Variants in HOATZ observed in about 807,000 individuals in gnomAD.
The protein encoded by HOATZ is HOATZ cilia and flagella associated protein, also known as cilia- and flagella-associated protein HOATZ.
A neutral mutation model predicts 24.9 loss-of-function variants in HOATZ; 26 were observed. The ratio of observed to expected loss-of-function variants is 1.04; its 90% CI spans 0.76 to 1.45. The LOEUF is 1.45. Ranked by LOEUF, HOATZ falls within the 40% of genes most tolerant of loss-of-function variation. HOATZ has a pLI of 0.00. For synonymous variants in HOATZ, 83 were observed against 76.6 expected, an observed-to-expected ratio of 1.08 and a Z score of -0.43; for missense variants, 226 against 201.5, an observed-to-expected ratio of 1.12 and a Z score of -0.74.
Position 111,533,764 on chromosome 11 carries a change from A to T in HOATZ, c.358A>T (p.Ile120Phe). The change falls in exon 4 of 6, where the codon ATT becomes TTT. Residue 120 changes from isoleucine (I) to phenylalanine (F), a missense_variant. Ile to Phe is a conservative substitution (Grantham distance 21). Coordinates refer to ENST00000375618, the MANE Select transcript of HOATZ (RefSeq NM_001100388.2). ...YLQKAKTREE[I>F]LQLLRKQREE... is the part of the protein sequence containing the mutation. ...TAAACAGGCTAAAACAAGAGAAGAG[A>T]TTCTCCAACTCTTAAGAAAACAAAG... 1 of 1,580,868 alleles carries T rather than the reference A, an allele frequency of 6.3e-7. No homozygotes were observed. The highest frequency in any genetic ancestry group is 8.5e-7 in the Non-Finnish European group (1 of 1,170,512).
At chr11:111,520,776 A>T (rs1253388357) in intron 3 of HOATZ, among the ~76,000 whole-genome samples, 1 of 152,228 alleles carries the variant, frequency 6.6e-6, no homozygotes, top group East Asian at 1.9e-4. Context: ...GATATGAATC[A>T]TCCCTCAGTC....
chr11:111,524,611 C>T (rs1341947199), intron 3 of HOATZ, among the ~76,000 whole-genome samples: 1 of 152,148 alleles, frequency 6.6e-6, no homozygotes, highest in Non-Finnish European at 1.5e-5. Context: ...AAAGCAAAGT[C>T]CTAGAAGTAT....
intron 3 of HOATZ, among the ~76,000 whole-genome samples, chr11:111,528,594 A>G (rs1347621867): frequency 6.6e-6 from 1 of 152,236 alleles, no homozygotes. Context: ...CATCTTGCAA[A>G]GAGCCACATG....
chr11:111,535,236 C>G (rs537380500), intron 5 of HOATZ: 7 of 151,884 alleles, frequency 4.6e-5, no homozygotes, highest in African/African-American at 1.5e-4. Flanking sequence ...TTGTAAACTT[C>G]TGGAAAAAAA....
chr11:111,525,031 G>A (rs1867320696), intron 3 of HOATZ: 1 of 325,584 alleles, frequency 3.1e-6, no homozygotes, highest in Non-Finnish European at 6.0e-6. Context: ...ATCACATCCA[G>A]CTACATTTTT....
chr11:111,521,756 GATT>G (rs2135775645), intron 3 of HOATZ, among the ~76,000 whole-genome samples: 1 of 152,332 alleles, frequency 6.6e-6, no homozygotes, highest in South Asian at 2.1e-4. Flanking sequence ...ATAATTAAAA[GATT>G]ATATTAATAT....
intron 4 of HOATZ, 124 bp from the exon 5 acceptor site, chr11:111,534,286 ATT>A: frequency 3.0e-6 from 2 of 676,956 alleles, no homozygotes; most frequent in Non-Finnish European, 5.1e-6. Flanking sequence ...CAGTTTCCAG[ATT>A]TAAGAAGCTA....
intron 3 of HOATZ, among the ~76,000 whole-genome samples, chr11:111,518,552 C>T (rs1354756290): frequency 6.6e-6 from 1 of 152,152 alleles, no homozygotes; most frequent in African/African-American, 2.4e-5. Flanking sequence ...AATGATTTTC[C>T]AAAGTCCCCA....
At chr11:111,521,202 C>A (rs1413203869) in intron 3 of HOATZ, among the ~76,000 whole-genome samples, 2 of 152,046 alleles carry the variant, frequency 1.3e-5, no homozygotes, top group African/African-American at 4.8e-5. Flanking sequence ...TTAGCTAATA[C>A]CTACTTGTAT....
At chr11:111,517,958 T>A (rs1163158612) in intron 3 of HOATZ, among the ~76,000 whole-genome samples, 1 of 152,140 alleles carries the variant, frequency 6.6e-6, no homozygotes, top group Admixed American at 6.6e-5. Context: ...TCCTTTCCAA[T>A]CCAGTCCTAA....
chr11:111,515,481 A>T, intron 1 of HOATZ, 30 bp from the exon 2 acceptor site: 1 of 1,597,680 alleles, frequency 6.3e-7, no homozygotes, highest in Non-Finnish European at 8.6e-7. Context: ...TTTTCCAATG[A>T]TTTCTTTACT....
At chr11:111,527,995 G>A (rs1867357260) in intron 3 of HOATZ, among the ~76,000 whole-genome samples, 1 of 152,172 alleles carries the variant, frequency 6.6e-6, no homozygotes. Context: ...TACACCTATA[G>A]ACAGTTAACT....
At chr11:111,525,077 C>T (rs1867321338) in intron 3 of HOATZ, 1 of 293,530 alleles carries the variant, frequency 3.4e-6, no homozygotes, top group Non-Finnish European at 6.7e-6. Context: ...TGCCATGTTG[C>T]CCAGGCTGGT....
chr11:111,517,803 A>G (rs576107751), intron 3 of HOATZ, among the ~76,000 whole-genome samples: 1 of 152,376 alleles, frequency 6.6e-6, no homozygotes, highest in African/African-American at 2.4e-5. Flanking sequence ...TGTTAGACAA[A>G]GAATATGCAA....
intron 5 of HOATZ, chr11:111,536,298 C>T (rs182177963): frequency 1.3e-5 from 2 of 154,048 alleles, no homozygotes; most frequent in East Asian, 3.8e-4. Flanking sequence ...AATAACTCCC[C>T]TACATACACA....
At chr11:111,534,641 G>A (rs1162460150) in intron 5 of HOATZ, 177 bp downstream of exon 5, 8 of 606,678 alleles carry the variant, frequency 1.3e-5, no homozygotes, top group South Asian at 8.6e-5. Context: ...GCCTGTGTAC[G>A]AACTTGTCTG....
chr11:111,514,923 T>A lies in HOATZ; in HGVS notation c.139T>A (p.Tyr47Asn), dbSNP rs1867158892. The stretch of plus-strand genomic sequence containing the variant: ...GCAGTTCTGGATCTCGGCGTCGATG[T>A]ATCCCCCTAGCGAATCTCAGCTGGT... ...AKQFWISASM[Y>N]PPSESQLVLR... Residue 47 changes from tyrosine (Y) to asparagine (N), a missense_variant, in exon 1 of 6, where the codon TAT (tyrosine) becomes AAT (asparagine). Tyr to Asn is a moderately radical substitution (Grantham distance 143, BLOSUM62 -2). Transcript: ENST00000375618. 2 of 1,613,884 alleles carry A rather than the reference T, an allele frequency of 1.2e-6. No homozygotes were observed. The highest frequency in any genetic ancestry group is 1.7e-5 in the Admixed American group (1 of 60,000).
chr11:111,530,774 TAA>T lies in HOATZ; in HGVS notation c.340-2971_340-2970del, dbSNP rs1013919458. ...AAGTTATGCTTCCTTACTAATAATA[TAA>T]GTTATAAGGATCTTCTCTTACCAGT... On this transcript the variant is annotated intron_variant, in intron 3 of 5. Transcript: ENST00000375618. 7.9e-5 allele frequency among the ~76,000 whole-genome samples: 12 copies of T among 152,292 alleles called. No individual in the cohort carries two copies. In the South Asian group the frequency reaches 1.0e-3, roughly 13 times the overall value.
chr11:111,521,647 T>A (rs984443130), intron 3 of HOATZ, among the ~76,000 whole-genome samples: 1 of 152,240 alleles, frequency 6.6e-6, no homozygotes, highest in African/African-American at 2.4e-5. Context: ...ATTTAAATTC[T>A]TGTTCTTCTC....
Sources: allele counts gnomAD v4.1 joint callset (sites outside exome capture counted in the v4.1 genomes callset), GRCh38; gene constraint gnomAD v4.1.1; transcripts MANE v1.5; gene names NCBI Gene and HGNC (gene_info 2026-07-23, HGNC 2026-07-21).